Variants in COL4A3 observed in about 807,000 individuals in gnomAD.
COL4A3 encodes collagen alpha-3(IV) chain.
A neutral mutation model predicts 217.4 loss-of-function variants in COL4A3; 135 were observed. The observed-to-expected ratio is 0.62, with a 90% confidence interval of 0.54 to 0.72. The LOEUF (loss-of-function observed/expected upper bound fraction) is 0.72, where lower values mean the gene tolerates loss of function less well. Among genes scored for constraint, COL4A3 ranks in the 30% least tolerant of loss-of-function variants. COL4A3 has a pLI of 0.00. For missense variants in COL4A3, 1,868 were observed against 2,119.9 expected, an observed-to-expected ratio of 0.88 and a Z score of 2.33; for synonymous variants, 690 against 736.3, an observed-to-expected ratio of 0.94 and a Z score of 1.02.
chr2:227,288,795 C>T (rs1178816124), intron 34 of COL4A3, among the ~76,000 whole-genome samples: 1 of 152,168 alleles, frequency 6.6e-6, no homozygotes, highest in East Asian at 1.9e-4. Flanking sequence ...TTCATTTAAT[C>T]CTCTTCTTTA....
At chr2:227,165,557 G>A (rs560365777) in intron 1 of COL4A3, among the ~76,000 whole-genome samples, 1 of 152,116 alleles carries the variant, frequency 6.6e-6, no homozygotes, top group African/African-American at 2.4e-5. Context: ...TCCTAGAGTT[G>A]ACTCACTTGA....
In COL4A3 at chr2:227,267,021, C is replaced by T. The variant is rs748691382; in HGVS notation, c.1437C>T (p.Cys479=). 8 of 1,613,810 alleles carry T rather than the reference C, an allele frequency of 5.0e-6. No individual in the cohort carries two copies. The African/African-American group carries it at 9.3e-5, about 19-fold the overall frequency. The part of the protein sequence containing the change: ...KGEPGLLCTQ[C]PYIPGPPGLP... ...AACCAGGCCTCCTGTGTACACAGTG[C>T]CCTTATATCCCAGGGCCTCCCGGTC... The change falls in exon 23 of 52, where the codon TGC becomes TGT. Residue 479 remains cysteine (C), a synonymous_variant. Coordinates refer to ENST00000396578, the MANE Select transcript of COL4A3 (RefSeq NM_000091.5).
At chr2:227,295,155 T>C in intron 40 of COL4A3, 93 bp downstream of exon 40, 1 of 1,513,084 alleles carries the variant, frequency 6.6e-7, no homozygotes, top group South Asian at 1.1e-5. Context: ...AAGATTTTTC[T>C]CTGATAGAAC....
At chr2:227,210,297 G>T (rs940198593) in intron 1 of COL4A3, among the ~76,000 whole-genome samples, 3 of 152,040 alleles carry the variant, frequency 2.0e-5, no homozygotes, top group Non-Finnish European at 4.4e-5. Flanking sequence ...ACAGTGTAAA[G>T]AATACAAAAT....
At position 227,293,230 on chromosome 2, in the gene COL4A3, G is replaced by C; in HGVS notation, c.3250G>C (p.Glu1084Gln). 1 of 1,614,004 alleles carries C rather than the reference G, an allele frequency of 6.2e-7. No individual in the cohort carries two copies. The highest frequency in any genetic ancestry group is 2.2e-5 in the East Asian group (1 of 44,884). Residue 1084 changes from glutamate (E) to glutamine (Q), a missense_variant, in exon 38 of 52, where the codon GAA (glutamate) becomes CAA (glutamine). This residue lies in a region of COL4A3 where 1,503 missense variants were observed against 1,786.1 expected (regional missense o/e 0.84). Coordinates refer to ENST00000396578, the MANE Select transcript of COL4A3 (RefSeq NM_000091.5). ...GLPGDMGKKG[E>Q]MGQPGPPGHL... ...GCCGGGTGATATGGGAAAGAAAGGA[G>C]AAATGGGGCAACCTGGCCCACCTGG...
At chr2:227,307,611 T>C in intron 47 of COL4A3, 99 bp from the exon 48 acceptor site, 1 of 1,014,410 alleles carries the variant, frequency 9.9e-7, no homozygotes, top group Non-Finnish European at 1.5e-6. Flanking sequence ...TTTCAATTTA[T>C]GGGCTCAACA....
chr2:227,205,296 G>A (rs560912680), intron 1 of COL4A3, among the ~76,000 whole-genome samples: 41 of 152,032 alleles, frequency 2.7e-4, no homozygotes, highest in African/African-American at 8.4e-4. Context: ...AAAATATTAG[G>A]TTGTATATGA....
At chr2:227,303,730 G>C (rs2073386982) in intron 44 of COL4A3, 129 bp from the exon 45 acceptor site, 1 of 898,440 alleles carries the variant, frequency 1.1e-6, no homozygotes, top group South Asian at 1.4e-5. Context: ...TAGCCCTTGT[G>C]ACAGAACCCA....
intron 6 of COL4A3, 145 bp downstream of exon 6, chr2:227,246,161 C>A (rs551415951): frequency 1.4e-6 from 1 of 717,694 alleles, no homozygotes; most frequent in African/African-American, 1.7e-5. Context: ...AGGCAGGAAA[C>A]TTCCCATTTT....
intron 43 of COL4A3, 70 bp from the exon 44 acceptor site, chr2:227,302,968 T>A: frequency 2.9e-6 from 3 of 1,035,168 alleles, no homozygotes; most frequent in South Asian, 1.3e-5. Context: ...TTTGCATTTT[T>A]AAAAAACTGC....
At chr2:227,198,355 G>A (rs13425557) in intron 1 of COL4A3, among the ~76,000 whole-genome samples, 16,792 of 152,092 alleles carry the variant, frequency 0.11, 1,132 homozygotes, top group Admixed American at 0.16. Context: ...CTCAAATGCC[G>A]ATTTTCCAAA....
At position 227,247,855 on chromosome 2, in the gene COL4A3, C is replaced by A. The variant is rs976660483; in HGVS notation, c.468+271C>A. On this transcript the variant is annotated intron_variant, in intron 8 of 51. Coordinates refer to ENST00000396578, the MANE Select transcript of COL4A3 (RefSeq NM_000091.5). ...AAGAAAACTGACCTCATGCTCAGGG[C>A]CCCACATTCTAGGGCAGGGATTGTC... 3.9e-5 allele frequency among the ~76,000 whole-genome samples: 6 copies of A among 152,238 alleles called. No individual in the cohort carries two copies. In the South Asian group the frequency reaches 1.2e-3, roughly 32 times the overall value.
chr2:227,256,217 C>A, intron 16 of COL4A3, 126 bp from the exon 17 acceptor site: 1 of 1,125,178 alleles, frequency 8.9e-7, no homozygotes, highest in Non-Finnish European at 1.3e-6. Flanking sequence ...GTTTTACATC[C>A]CCACTGTGAA....
chr2:227,289,062 T>C (rs2072518589), intron 34 of COL4A3, 88 bp from the exon 35 acceptor site: 1 of 941,938 alleles, frequency 1.1e-6, no homozygotes, highest in Admixed American at 2.0e-5. Context: ...GTGATTTTCC[T>C]GCCTCAGCCT....
chr2:227,308,035 T>C (rs2073585939), intron 48 of COL4A3, 116 bp downstream of exon 48: 10 of 899,936 alleles, frequency 1.1e-5, no homozygotes, highest in South Asian at 2.8e-5. Flanking sequence ...TGTCTCCTGA[T>C]ACATTTTAAA....
intron 38 of COL4A3, 37 bp downstream of exon 38, chr2:227,293,354 A>G (rs1249780732): frequency 6.2e-7 from 1 of 1,611,934 alleles, no homozygotes; most frequent in Non-Finnish European, 8.5e-7. Flanking sequence ...AGCTGGAAGC[A>G]TTACTCAGAG....
intron 46 of COL4A3, 109 bp from the exon 47 acceptor site, chr2:227,304,876 C>T (rs1014512459): frequency 7.9e-6 from 7 of 888,324 alleles, no homozygotes; most frequent in Middle Eastern, 3.3e-4. Flanking sequence ...TCCCAGGATG[C>T]AGGACTTTCA....
chr2:227,193,630 T>G (rs1165096365), intron 1 of COL4A3, among the ~76,000 whole-genome samples: 1 of 151,560 alleles, frequency 6.6e-6, no homozygotes. Context: ...GAGAATCTCT[T>G]GAACCAGGGA....
rs1386920216 is a variant in COL4A3 at position 227,191,821 on chromosome 2, TAAG to T, written c.87+27014_87+27016del. 6.6e-5 allele frequency among the ~76,000 whole-genome samples: 10 copies of T among 152,312 alleles called. No homozygotes were observed. Among genetic ancestry groups the T allele is most frequent in the African/African-American group, 1.2e-4 (5 of 41,580 alleles). On this transcript the variant is annotated intron_variant, in intron 1 of 51. Coordinates refer to ENST00000396578, the MANE Select transcript of COL4A3 (RefSeq NM_000091.5). This position sits in a 1 kb window ranked among gnomAD's most constrained non-coding sequence, Gnocchi z 6.8. ...TAATTAGTTTCTGGAACGCTAATAA[TAAG>T]AAGAACTTAGAATATTACAGATTCT... is the stretch of plus-strand genomic sequence containing the variant.
Sources: gnomAD v4.1 joint callset for allele counts (sites outside exome capture counted in the v4.1 genomes callset) on GRCh38, gnomAD v4.1.1 for gene constraint, gnomAD v4.1.1 regional missense constraint, Gnocchi (gnomAD v3.1) non-coding constraint, MANE v1.5 for transcripts, NCBI Gene and HGNC (gene_info 2026-07-23, HGNC 2026-07-21) for gene names.